Variants in STIL observed in about 807,000 individuals in gnomAD.
STIL encodes the protein STIL centriolar assembly protein.
Under a neutral mutation model 110.1 loss-of-function variants are expected in STIL, and 55 were observed. The ratio of observed to expected loss-of-function variants is 0.50; its 90% confidence interval spans 0.40 to 0.63. The LOEUF (loss-of-function observed/expected upper bound fraction) is 0.63, where lower values mean the gene tolerates loss of function less well. Ranked by LOEUF, STIL falls within the 20% of genes least tolerant of loss-of-function variation. The probability of loss-of-function intolerance (pLI) is 0.00; values close to 1 mark genes in which losing one functional copy is unlikely to be tolerated. For missense variants in STIL, 1,358 were observed against 1,530.0 expected, an observed-to-expected ratio of 0.89 and a Z score of 1.87; for synonymous variants, 481 against 530.0, an observed-to-expected ratio of 0.91 and a Z score of 1.27.
chr1:47,256,046 T>C (rs1374556290), intron 16 of STIL, among the ~76,000 whole-genome samples: 1 of 152,238 alleles, frequency 6.6e-6, no homozygotes, highest in Non-Finnish European at 1.5e-5. Context: ...TCCTAGAATA[T>C]TCAACCTATA....
At chr1:47,305,376 C>T (rs1386969213) in intron 2 of STIL, 24 of 199,332 alleles carry the variant, frequency 1.2e-4, no homozygotes, top group Non-Finnish European at 2.0e-5. Context: ...CCACCTGCCT[C>T]GGCCTCCCAA....
At chr1:47,302,415 T>A in intron 3 of STIL, 69 bp from the exon 4 acceptor site, 2 of 1,143,770 alleles carry the variant, frequency 1.7e-6, no homozygotes, top group Non-Finnish European at 2.6e-6. Context: ...TGCCATAAAA[T>A]GCTGTCTAAA....
chr1:47,269,016 G>A (rs1446831441), intron 14 of STIL, among the ~76,000 whole-genome samples: 5 of 151,676 alleles, frequency 3.3e-5, no homozygotes, highest in Non-Finnish European at 5.9e-5. Flanking sequence ...GCGTGAACCC[G>A]GGAGGTGGAG....
Position 47,280,761 on chromosome 1 carries a change from G to A in STIL, c.1697C>T (p.Ala566Val), listed in dbSNP as rs1002041609. 7 of 1,613,928 alleles carry A rather than the reference G, an allele frequency of 4.3e-6. No individual in the cohort carries two copies. The highest frequency in any genetic ancestry group is 5.9e-6 in the Non-Finnish European group (7 of 1,179,876). The part of the protein sequence containing the change: ...STLNSRQSSL[A>V]PQSQPHDFVF... ...AAAATCGTGTGGTTGGGACTGCGGG[G>A]CAAGAGAAGACTGCCTAGAATTAAG... The change falls in exon 12 of 17, where the codon GCC (alanine) becomes GTC (valine). Residue 566 changes from alanine (A) to valine (V), a missense_variant. Coordinates refer to ENST00000371877, the MANE Select transcript of STIL (RefSeq NM_001048166.1).
chr1:47,258,395 G>A (rs1437319144), intron 16 of STIL, among the ~76,000 whole-genome samples: 1 of 152,168 alleles, frequency 6.6e-6, no homozygotes, highest in African/African-American at 2.4e-5. Context: ...ACTTAGGATT[G>A]CTTGAAATAA....
chr1:47,269,975 G>A (rs1005162837), intron 13 of STIL, 109 bp from the exon 14 acceptor site: 24 of 1,018,766 alleles, frequency 2.4e-5, no homozygotes, highest in Non-Finnish European at 3.5e-5. Flanking sequence ...AATGGCTCAC[G>A]CCTATAATCC....
intron 6 of STIL, among the ~76,000 whole-genome samples, chr1:47,297,086 G>A (rs1006781738): frequency 1.3e-5 from 2 of 152,200 alleles, no homozygotes; most frequent in African/African-American, 2.4e-5. Context: ...GCTCATGCCT[G>A]TAATTCCAAC....
chr1:47,310,756 A>C (rs1453133050), intron 1 of STIL, among the ~76,000 whole-genome samples: 1 of 152,170 alleles, frequency 6.6e-6, no homozygotes, highest in Non-Finnish European at 1.5e-5. Flanking sequence ...CTAGATATTT[A>C]TTTGGGGCCT....
chr1:47,303,087 C>G (rs1190426675), intron 3 of STIL, among the ~76,000 whole-genome samples: 4 of 151,866 alleles, frequency 2.6e-5, no homozygotes. Flanking sequence ...GAAAAAAGAC[C>G]AGGCAAATTT....
chr1:47,303,071 T>C (rs6703956), intron 3 of STIL, among the ~76,000 whole-genome samples: 58,017 of 151,780 alleles, frequency 0.38, 13,900 homozygotes, highest in Non-Finnish European at 0.51. Context: ...AGGAATAAGA[T>C]ACTACGAAAA....
rs542227478 is a variant in STIL, at chr1:47,272,524, T to C, written c.2218-283A>G. 4.6e-5 allele frequency among the ~76,000 whole-genome samples: 7 copies of C among 152,000 alleles called. No individual in the cohort carries two copies. In the East Asian group the frequency reaches 9.8e-4, roughly 21 times the overall value. ...CCAGCCGTGGTGCAATCATGGCTTA[T>C]TGCAGCCTCAACCTCCTGGGCTCAA... On this transcript the variant is annotated intron_variant, in intron 12 of 16. Transcript: ENST00000371877.
At chr1:47,279,056 G>A (rs1321655195) in intron 12 of STIL, among the ~76,000 whole-genome samples, 1 of 152,080 alleles carries the variant, frequency 6.6e-6, no homozygotes, top group Non-Finnish European at 1.5e-5. Flanking sequence ...CCAACACTTT[G>A]GGAGGCCGAG....
Position 47,281,193 on chromosome 1 carries a change from G to T in STIL, c.1265C>A (p.Pro422Gln). ...PVSQKISKIQ[P>Q]SVPELSLVLD... ...CACAAGTGAAAGTTCAGGAACTGAT[G>T]GTTGGATCTTAGAAATCTACAAATA... Residue 422 changes from proline (P) to glutamine (Q), a missense_variant, in exon 12 of 17, where the codon CCA (proline) becomes CAA (glutamine). Transcript: ENST00000371877. 1 of 1,612,582 alleles carries T rather than the reference G, an allele frequency of 6.2e-7. No homozygotes were observed. Among genetic ancestry groups the T allele is most frequent in the Non-Finnish European group, 8.5e-7 (1 of 1,179,640 alleles).
Position 47,301,589 on chromosome 1 carries a change from C to T in STIL, c.425G>A (p.Ser142Asn). 1 of 1,613,880 alleles carries T rather than the reference C, an allele frequency of 6.2e-7. No homozygotes were observed. The highest frequency in any genetic ancestry group is 8.5e-7 in the Non-Finnish European group (1 of 1,180,008). ...TAAAGCTGAACTGAAGTCATCTACA[C>T]TGTGAACTATCATTTCTCTTGAACA... is the stretch of plus-strand genomic sequence containing the variant. Reference protein sequence around the residue: ...ELCSREMIVHSVDDFSSALKA... With the variant: ...ELCSREMIVHNVDDFSSALKA... Residue 142 changes from serine to asparagine, a missense_variant, in exon 5 of 17, where the codon AGT (serine) becomes AAT (asparagine). Transcript: ENST00000371877.
intron 16 of STIL, among the ~76,000 whole-genome samples, chr1:47,253,137 T>C (rs1205895872): frequency 2.0e-5 from 3 of 152,226 alleles, no homozygotes; most frequent in African/African-American, 7.2e-5. Flanking sequence ...TGAGTCGTTA[T>C]ATATGCCAGG....
Position 47,280,919 on chromosome 1 carries a change from T to G in STIL, c.1539A>C (p.Lys513Asn). Residue 513 changes from lysine (K) to asparagine (N), a missense_variant, in exon 12 of 17, where the codon AAA (lysine) becomes AAC (asparagine). By Grantham distance (94) the Lys-to-Asn change is moderately conservative. Coordinates refer to ENST00000371877, the MANE Select transcript of STIL (RefSeq NM_001048166.1). Reference sequence around the variant, plus strand: ...TACTGTTCCTGGTATGGGGGTTCCCTTTCTTATAGGCAGGTGGCTGTCTTA... The same window carrying G: ...TACTGTTCCTGGTATGGGGGTTCCCGTTCTTATAGGCAGGTGGCTGTCTTA... ...CKVRQPPAYK[K>N]GNPHTRNSIK... is the part of the protein sequence containing the mutation. 6.2e-7 allele frequency: 1 copy of G among 1,614,214 alleles called. No individual in the cohort carries two copies. The highest frequency in any genetic ancestry group is 8.5e-7 in the Non-Finnish European group (1 of 1,180,030).
intron 12 of STIL, among the ~76,000 whole-genome samples, chr1:47,279,159 C>T (rs1397143637): frequency 6.6e-6 from 1 of 151,540 alleles, no homozygotes; most frequent in Non-Finnish European, 1.5e-5. Context: ...ATTAGCCGGG[C>T]ATAGTCCCAG....
In STIL at chr1:47,280,565, A is replaced by T. The variant is rs373048037; in HGVS notation, c.1893T>A (p.Asp631Glu). 1 of 1,614,150 alleles carries T rather than the reference A, an allele frequency of 6.2e-7. No homozygotes were observed. Among genetic ancestry groups the T allele is most frequent in the African/African-American group, 1.3e-5 (1 of 74,948 alleles). ...GCTTTTGAAGGGCTTCAGACTGGAC[A>T]TCTTGAATGGATCCAACTGTGTTTG... ...QGANTVGSIQ[D>E]VQSEALQKHS... The change falls in exon 12 of 17, where the codon GAT becomes GAA. Residue 631 changes from aspartate to glutamate, a missense_variant. Coordinates refer to ENST00000371877, the MANE Select transcript of STIL (RefSeq NM_001048166.1).
At chr1:47,252,493 T>C (rs1644213274) in intron 16 of STIL, among the ~76,000 whole-genome samples, 1 of 152,244 alleles carries the variant, frequency 6.6e-6, no homozygotes, top group Non-Finnish European at 1.5e-5. Flanking sequence ...TTCCTAAATC[T>C]GTATATCAGT....
Sources: gnomAD v4.1 joint callset for allele counts (sites outside exome capture counted in the v4.1 genomes callset) on GRCh38, gnomAD v4.1.1 for gene constraint, MANE v1.5 for transcripts, NCBI Gene and HGNC (gene_info 2026-07-23, HGNC 2026-07-21) for gene names.